Variants in DENND5B observed in about 807,000 individuals in gnomAD.
DENND5B encodes the protein DENN domain-containing protein 5B.
A neutral mutation model predicts 140.6 loss-of-function variants in DENND5B; 34 were observed. The ratio of observed to expected loss-of-function variants is 0.24; its 90% confidence interval spans 0.18 to 0.32. The LOEUF (loss-of-function observed/expected upper bound fraction) is 0.32. DENND5B is among the 10% of genes least tolerant of loss of function. DENND5B has a pLI of 1.00. For synonymous variants in DENND5B, 551 were observed against 562.1 expected (o/e 0.98, Z 0.28); for missense variants, 1,142 against 1,560.2 (o/e 0.73, Z 4.52).
At chr12:31,443,469 G>A (rs1241516355) in intron 6 of DENND5B, among the ~76,000 whole-genome samples, 3 of 152,216 alleles carry the variant, frequency 2.0e-5, no homozygotes, top group East Asian at 1.9e-4. Flanking sequence ...AATTTTCATG[G>A]TATTTTCTGC....
chr12:31,460,506 C>G (rs949643795), intron 3 of DENND5B, 125 bp from the exon 4 acceptor site: 13 of 870,916 alleles, frequency 1.5e-5, no homozygotes, highest in Non-Finnish European at 2.1e-5. Flanking sequence ...TCTTTATGAT[C>G]ATACAGAAAA....
chr12:31,554,227 C>G (rs1274926853), intron 1 of DENND5B, among the ~76,000 whole-genome samples: 4 of 152,114 alleles, frequency 2.6e-5, no homozygotes, highest in Non-Finnish European at 5.9e-5. Flanking sequence ...ATGTTTAGTG[C>G]TTCCTTCAGG....
intron 2 of DENND5B, among the ~76,000 whole-genome samples, chr12:31,480,966 G>A (rs1200786417): frequency 6.6e-6 from 1 of 152,070 alleles, no homozygotes; most frequent in Non-Finnish European, 1.5e-5. Flanking sequence ...TTACCCAGAG[G>A]AGCTAAAGAT....
intron 1 of DENND5B, among the ~76,000 whole-genome samples, chr12:31,521,900 C>T (rs1259428): frequency 0.65 from 98,682 of 152,058 alleles, 33,277 homozygotes; most frequent in East Asian, 0.83. Flanking sequence ...TCATTATAAT[C>T]CCCTGCATAA....
At chr12:31,470,515 G>T (rs1945508783) in intron 3 of DENND5B, among the ~76,000 whole-genome samples, 1 of 152,138 alleles carries the variant, frequency 6.6e-6, no homozygotes, top group African/African-American at 2.4e-5. Flanking sequence ...TTCCCAGAGT[G>T]CTGGGATTAC....
chr12:31,499,277 A>G (rs1946908874), intron 1 of DENND5B, among the ~76,000 whole-genome samples: 1 of 152,246 alleles, frequency 6.6e-6, no homozygotes, highest in Non-Finnish European at 1.5e-5. Context: ...ATAAATTTGT[A>G]CGACTGCTAC....
intron 3 of DENND5B, among the ~76,000 whole-genome samples, chr12:31,470,168 G>T (rs1945488962): frequency 7.4e-6 from 1 of 134,340 alleles, no homozygotes; most frequent in South Asian, 2.4e-4. Context: ...AGGCTGGAGT[G>T]CAATGGTGCG....
intron 1 of DENND5B, among the ~76,000 whole-genome samples, chr12:31,504,621 G>C (rs1420294891): frequency 6.6e-6 from 1 of 152,104 alleles, no homozygotes; most frequent in African/African-American, 2.4e-5. Context: ...CTTCCCACTA[G>C]GAGGGCCCCA....
Position 31,386,903 on chromosome 12 carries a change from T to C in DENND5B, c.*700A>G, listed in dbSNP as rs951639586. 1.3e-5 allele frequency: 2 copies of C among 152,214 alleles called. No individual in the cohort carries two copies. The highest frequency in any genetic ancestry group is 2.1e-4 in the South Asian group (1 of 4,826). The allele number at this position is 152,214 out of a possible 1,614,324, so 9.4% of individuals were successfully genotyped here. A position where few individuals can be genotyped will look rare whatever the true frequency, so the allele number is the denominator to read the frequency against. ...GTGTAAAGAAGTTATAATCCCACAA[T>C]TGAACACATTTCTCAGAGCTTTGTA... On this transcript the variant is annotated 3_prime_UTR_variant, in exon 21 of 21. Transcript: ENST00000389082.
At chr12:31,410,778 T>C (rs1386264817) in intron 13 of DENND5B, among the ~76,000 whole-genome samples, 1 of 152,130 alleles carries the variant, frequency 6.6e-6, no homozygotes, top group African/African-American at 2.4e-5. Flanking sequence ...ATTCAAACAC[T>C]AACTAGAGAA....
intron 3 of DENND5B, 53 bp downstream of exon 3, chr12:31,479,536 T>G: frequency 7.0e-7 from 1 of 1,418,988 alleles, no homozygotes; most frequent in Non-Finnish European, 9.3e-7. Context: ...AACACAGTAG[T>G]TGGGAGCAAA....
chr12:31,486,012 T>C (rs1428108277), intron 2 of DENND5B, among the ~76,000 whole-genome samples: 1 of 152,228 alleles, frequency 6.6e-6, no homozygotes, highest in East Asian at 1.9e-4. Context: ...CTACCTACAT[T>C]GCAGATATGT....
intron 3 of DENND5B, among the ~76,000 whole-genome samples, chr12:31,469,669 G>C (rs1945451809): frequency 6.6e-6 from 1 of 152,206 alleles, no homozygotes; most frequent in African/African-American, 2.4e-5. Flanking sequence ...GACATGGTTT[G>C]TTGGCCCCAA....
intron 1 of DENND5B, among the ~76,000 whole-genome samples, chr12:31,565,978 G>GA (rs994564775): frequency 8.0e-5 from 12 of 150,326 alleles, no homozygotes; most frequent in South Asian, 4.2e-4. Context: ...CCCATCTCTA[G>GA]AAAAAAAAAT....
chr12:31,552,213 CTCT>C (rs1454421172), intron 1 of DENND5B, among the ~76,000 whole-genome samples: 2 of 152,108 alleles, frequency 1.3e-5, no homozygotes, highest in African/African-American at 4.8e-5. Flanking sequence ...TCATAGATAG[CTCT>C]TATTATTTTG....
chr12:31,524,320 C>T (rs1004777753), intron 1 of DENND5B, among the ~76,000 whole-genome samples: 9 of 152,104 alleles, frequency 5.9e-5, no homozygotes, highest in Admixed American at 3.9e-4. Flanking sequence ...TAAGAGAGTC[C>T]TGGAAGCTCC....
In DENND5B at chr12:31,447,942, G is replaced by A. The variant is rs527839738; in HGVS notation, c.1630-173C>T. On this transcript the variant is annotated intron_variant, in intron 5 of 20. Transcript: ENST00000389082. ...TTTTCTTTCCATTTTCCTAAATTTA[G>A]AGAATGTACGTCACTTAGGTCTTTA... Among the ~76,000 whole-genome samples, 40 of 152,210 alleles carry A rather than the reference G, an allele frequency of 2.6e-4. No homozygotes were observed. In the South Asian group the frequency reaches 8.3e-3, roughly 32 times the overall value.
intron 11 of DENND5B, among the ~76,000 whole-genome samples, chr12:31,418,276 T>C (rs1337577637): frequency 1.3e-5 from 1 of 75,260 alleles, no homozygotes; most frequent in African/African-American, 4.0e-5. Context: ...TATCTTTTTT[T>C]CTTTTCTTTT....
At position 31,549,569 on chromosome 12, in the gene DENND5B, C is replaced by T. The variant is rs547730651; in HGVS notation, c.127+41137G>A. 2.0e-5 allele frequency among the ~76,000 whole-genome samples: 3 copies of T among 151,434 alleles called. No homozygotes were observed. In the East Asian group the frequency reaches 5.8e-4, roughly 29 times the overall value. On this transcript the variant is annotated intron_variant, in intron 1 of 20. Coordinates refer to ENST00000389082, the MANE Select transcript of DENND5B (RefSeq NM_144973.4). ...TATTTTTATTTTAAGTTCCAGGGTA[C>T]AGGTGCAGGATATGCAGGTTTGTTA... is the stretch of plus-strand genomic sequence containing the variant.
Sources: gnomAD v4.1 joint callset for allele counts (sites outside exome capture counted in the v4.1 genomes callset) on GRCh38, gnomAD v4.1.1 for gene constraint, MANE v1.5 for transcripts, NCBI Gene and HGNC (gene_info 2026-07-23, HGNC 2026-07-21) for gene names.